The following EFCAB5 variants were observed in gnomAD, a reference collection of about 807,000 sequenced individuals.
EFCAB5 encodes EF-hand calcium binding domain 5.
Under a neutral mutation model 167.9 loss-of-function variants are expected in EFCAB5, and 131 were observed. That is an observed-to-expected ratio of 0.78 (90% CI 0.68 to 0.90). The LOEUF (loss-of-function observed/expected upper bound fraction) is 0.90. Ranked by LOEUF, EFCAB5 falls within the 40% of genes least tolerant of loss-of-function variation. The probability of loss-of-function intolerance (pLI) is 0.00; values close to 1 mark genes in which losing one functional copy is unlikely to be tolerated. For synonymous variants in EFCAB5, 574 were observed against 602.8 expected (o/e 0.95, Z 0.70); for missense variants, 1,663 against 1,745.2 (o/e 0.95, Z 0.84).
At chr17:29,963,981 G>T (rs1452179095) in intron 3 of EFCAB5, among the ~76,000 whole-genome samples, 1 of 151,816 alleles carries the variant, frequency 6.6e-6, no homozygotes, top group Non-Finnish European at 1.5e-5. Flanking sequence ...TGATATGCCA[G>T]CCCCGCCCCC....
At chr17:30,034,091 C>T (rs772428907) in intron 7 of EFCAB5, 139 bp from the exon 8 acceptor site, 7 of 1,029,432 alleles carry the variant, frequency 6.8e-6, no homozygotes, top group Admixed American at 2.8e-5. Context: ...CATGAAAATG[C>T]TTCATCTAAG....
chr17:30,063,415 G>A (rs543886975), intron 14 of EFCAB5, among the ~76,000 whole-genome samples: 4 of 152,148 alleles, frequency 2.6e-5, no homozygotes, highest in African/African-American at 7.2e-5. Flanking sequence ...CAACCATATC[G>A]TCCTCCTGGG....
At chr17:29,981,686 A>C (rs2068179106) in intron 4 of EFCAB5, among the ~76,000 whole-genome samples, 1 of 152,164 alleles carries the variant, frequency 6.6e-6, no homozygotes, top group Non-Finnish European at 1.5e-5. Context: ...TTAATGATGA[A>C]AGTTTTCTTC....
At chr17:30,073,768 A>G in intron 14 of EFCAB5, 1 of 637,632 alleles carries the variant, frequency 1.6e-6, no homozygotes, top group Non-Finnish European at 2.9e-6. Context: ...TACTCCTATC[A>G]AGATACAGAA....
intron 3 of EFCAB5, among the ~76,000 whole-genome samples, chr17:29,954,380 T>G (rs2067570665): frequency 6.6e-6 from 1 of 152,166 alleles, no homozygotes; most frequent in Admixed American, 6.5e-5. Context: ...TGGGACTTGG[T>G]GCCCTGCATC....
At chr17:29,930,286 G>A in intron 1 of EFCAB5, 5 of 479,616 alleles carry the variant, frequency 1.0e-5, no homozygotes, top group Non-Finnish European at 1.5e-5. Context: ...CTCGGCGCGC[G>A]CCGCCGCCTG....
chr17:29,942,779 C>A (rs1307094450), intron 2 of EFCAB5, among the ~76,000 whole-genome samples: 1 of 152,112 alleles, frequency 6.6e-6, no homozygotes, highest in Non-Finnish European at 1.5e-5. Flanking sequence ...CGATGGCTCA[C>A]ACTTGTAATC....
chr17:30,049,601 T>C (rs1254062577), intron 8 of EFCAB5, among the ~76,000 whole-genome samples: 1 of 151,756 alleles, frequency 6.6e-6, no homozygotes, highest in Non-Finnish European at 1.5e-5. Context: ...AACCCATACA[T>C]ATAATAAGCA....
intron 12 of EFCAB5, among the ~76,000 whole-genome samples, chr17:30,056,553 A>G (rs1322381021): frequency 3.9e-5 from 6 of 152,198 alleles, no homozygotes; most frequent in Admixed American, 3.9e-4. Context: ...CATATGAGAC[A>G]AGTGAGAATC....
At chr17:29,994,422 A>C (rs1035365990) in intron 5 of EFCAB5, among the ~76,000 whole-genome samples, 4 of 151,942 alleles carry the variant, frequency 2.6e-5, no homozygotes, top group Admixed American at 2.6e-4. Context: ...AGTTGCTAGA[A>C]GTGTCCCCTG....
intron 8 of EFCAB5, 95 bp downstream of exon 8, chr17:30,034,480 CTT>C: frequency 6.8e-7 from 1 of 1,461,872 alleles, no homozygotes; most frequent in Non-Finnish European, 9.1e-7. Context: ...TGGTGGATTA[CTT>C]GAGCCCAGGA....
chr17:29,941,726 T>C lies in EFCAB5; in HGVS notation c.-71T>C. On this transcript the variant is annotated 5_prime_UTR_variant, in exon 1 of 23. Transcript: ENST00000394835. ...CTTTGTGATGTTTATTAATATTTTC[T>C]TTCTTTTTGTTATTAATACTGGTCT... is the stretch of plus-strand genomic sequence containing the variant. 7.3e-7 allele frequency: 1 copy of C among 1,373,422 alleles called. No homozygotes were observed. The highest frequency in any genetic ancestry group is 1.0e-6 in the Non-Finnish European group (1 of 996,570). 85.1% of individuals were successfully genotyped at this position (1,373,422 alleles called of 1,614,324 possible).
In EFCAB5 at chr17:30,082,953, T is replaced by C. The variant is rs1453402867; in HGVS notation, c.3489T>C (p.His1163=). 6.2e-7 allele frequency: 1 copy of C among 1,613,890 alleles called. No homozygotes were observed. The highest frequency in any genetic ancestry group is 1.7e-5 in the Admixed American group (1 of 59,998). ...TCCACAGCCGGGAGCACATTCTGCA[T>C]ATTGTGATCACTGGCATAGGCTGGC... ...HYVHSREHIL[H]IVITGIGWLY... The change falls in exon 18 of 23, where the codon CAT becomes CAC. Residue 1163 remains histidine, a synonymous_variant. Transcript: ENST00000394835.
At chr17:30,022,342 C>T (rs755417431) in intron 7 of EFCAB5, among the ~76,000 whole-genome samples, 4 of 152,104 alleles carry the variant, frequency 2.6e-5, no homozygotes, top group Non-Finnish European at 4.4e-5. Context: ...CACAGACATA[C>T]TGGATTGGAC....
At position 30,062,219 on chromosome 17, in the gene EFCAB5, T is replaced by C. The variant is rs1390470466; in HGVS notation, c.2737+2518T>C. The stretch of plus-strand genomic sequence containing the variant: ...CACAAAGACAAGCCAGAACAACAAA[T>C]AAACAATTACATTAAGAAAAATAAC... On this transcript the variant is annotated intron_variant, in intron 14 of 22. Coordinates refer to ENST00000394835, the MANE Select transcript of EFCAB5 (RefSeq NM_198529.4). 6.6e-5 allele frequency among the ~76,000 whole-genome samples: 10 copies of C among 152,136 alleles called. No individual in the cohort carries two copies. The South Asian group carries it at 2.1e-3, about 32-fold the overall frequency.
intron 14 of EFCAB5, chr17:30,073,922 C>CA (rs1443317312): frequency 1.9e-5 from 5 of 260,480 alleles, no homozygotes; most frequent in African/African-American, 8.9e-5. Context: ...AGATATAGAA[C>CA]AAAAAAAGTC....
At chr17:29,960,085 A>G (rs2067691253) in intron 3 of EFCAB5, among the ~76,000 whole-genome samples, 1 of 152,092 alleles carries the variant, frequency 6.6e-6, no homozygotes, top group Non-Finnish European at 1.5e-5. Context: ...ATTCTACCCC[A>G]TGTTGCTTTC....
chr17:29,977,102 C>A (rs1289493414), intron 4 of EFCAB5, among the ~76,000 whole-genome samples: 1 of 151,990 alleles, frequency 6.6e-6, no homozygotes, highest in Non-Finnish European at 1.5e-5. Context: ...ATTTTCTTTT[C>A]TTTTAGTATG....
intron 8 of EFCAB5, among the ~76,000 whole-genome samples, chr17:30,050,833 T>C (rs2070072980): frequency 6.6e-6 from 1 of 152,252 alleles, no homozygotes; most frequent in African/African-American, 2.4e-5. Flanking sequence ...GTAAGATAAG[T>C]ACTGAACATT....
Sources: gnomAD v4.1 joint callset for allele counts (sites outside exome capture counted in the v4.1 genomes callset) on GRCh38, gnomAD v4.1.1 for gene constraint, MANE v1.5 for transcripts, NCBI Gene and HGNC (gene_info 2026-07-23, HGNC 2026-07-21) for gene names.